C5orf63: variants seen among roughly 807,000 people sequenced by gnomAD.
The protein encoded by C5orf63 is chromosome 5 open reading frame 63.
Under a neutral mutation model 13.3 loss-of-function variants are expected in C5orf63, and 18 were observed. The observed-to-expected ratio is 1.36, with a 90% CI of 0.94 to 2.01. C5orf63 has a LOEUF of 2.01. Among genes scored for constraint, C5orf63 ranks in the 30% most tolerant of loss-of-function variants. The pLI is 0.00. For synonymous variants in C5orf63, 38 were observed against 44.7 expected, an observed-to-expected ratio of 0.85 and a Z score of 0.60; for missense variants, 118 against 127.7, an observed-to-expected ratio of 0.92 and a Z score of 0.36.
intron 2 of C5orf63, among the ~76,000 whole-genome samples, chr5:127,059,322 G>T (rs1754009149): frequency 6.6e-6 from 1 of 152,104 alleles, no homozygotes; most frequent in African/African-American, 2.4e-5. Context: ...GATTTTGCCG[G>T]CATCTTGATG....
chr5:127,054,005 T>G (rs930527314), intron 3 of C5orf63, among the ~76,000 whole-genome samples: 1 of 152,170 alleles, frequency 6.6e-6, no homozygotes, highest in African/African-American at 2.4e-5. Flanking sequence ...GTTTGTAATG[T>G]TTTAAGATAA....
At chr5:127,063,188 G>C (rs73783524) in intron 2 of C5orf63, among the ~76,000 whole-genome samples, 2,539 of 152,212 alleles carry the variant, frequency 0.017, 61 homozygotes, top group African/African-American at 0.058. Flanking sequence ...TGATTTCAGT[G>C]GTCTTTATGG....
At chr5:127,058,724 A>G in intron 3 of C5orf63, 158 bp downstream of exon 3, 2 of 591,578 alleles carry the variant, frequency 3.4e-6, no homozygotes, top group South Asian at 2.2e-5. Flanking sequence ...ATAATAAGGT[A>G]TCTGGGTAGA....
chr5:127,053,182 T>C (rs979490852), intron 3 of C5orf63, among the ~76,000 whole-genome samples: 11 of 152,108 alleles, frequency 7.2e-5, no homozygotes, highest in Non-Finnish European at 1.6e-4. Flanking sequence ...AAAACAAATC[T>C]CTATTCACTT....
chr5:127,052,601 G>A lies in C5orf63; in HGVS notation c.171+12C>T. ...AATCCATATACATAAAAGCCACACT[G>A]TATTATATTACCCTGTTTTCATAAG... On this transcript the variant is annotated intron_variant, in intron 4 of 4. Coordinates refer to ENST00000296662, the MANE Select transcript of C5orf63 (RefSeq NM_001164478.2). 6.8e-7 allele frequency: 1 copy of A among 1,479,918 alleles called. No individual in the cohort carries two copies. Among genetic ancestry groups the A allele is most frequent in the African/African-American group, 1.4e-5 (1 of 70,302 alleles). 91.7% of individuals were successfully genotyped at this position (1,479,918 alleles called of 1,614,324 possible).
intron 3 of C5orf63, chr5:127,056,611 CACA>C (rs1268334612): frequency 6.6e-6 from 1 of 152,160 alleles, no homozygotes; most frequent in Non-Finnish European, 1.5e-5. Context: ...AGGTGTCTCC[CACA>C]ACATGTGGGA....
chr5:127,051,136 A>C (rs1266281843), downstream of C5orf63, among the ~76,000 whole-genome samples: 2 of 152,254 alleles, frequency 1.3e-5, no homozygotes, highest in Admixed American at 1.3e-4. Context: ...ATGACTGTGT[A>C]GAGAATGTTG....
chr5:127,071,143 A>C (rs74485947), intron 2 of C5orf63, among the ~76,000 whole-genome samples: 1 of 152,228 alleles, frequency 6.6e-6, no homozygotes, highest in Non-Finnish European at 1.5e-5. Context: ...AAAGTGATTA[A>C]GATATTGTCA....
intron 3 of C5orf63, among the ~76,000 whole-genome samples, chr5:127,055,256 C>T (rs146457819): frequency 0.019 from 2,923 of 152,208 alleles, 75 homozygotes; most frequent in African/African-American, 0.06. Flanking sequence ...GAAAAAACTA[C>T]GTTAAAGTTC....
In C5orf63 at chr5:127,052,599, C is replaced by T; in HGVS notation, c.171+14G>A. On this transcript the variant is annotated intron_variant, in intron 4 of 4. Transcript: ENST00000296662. The stretch of plus-strand genomic sequence containing the variant: ...GCAATCCATATACATAAAAGCCACA[C>T]TGTATTATATTACCCTGTTTTCATA... The T allele has an allele frequency of 1.4e-6, 2 of 1,448,468 alleles. No individual in the cohort carries two copies. The highest frequency in any genetic ancestry group is 1.8e-6 in the Non-Finnish European group (2 of 1,108,414). The allele number at this position is 1,448,468 out of a possible 1,614,324, so 89.7% of individuals were successfully genotyped here. A position where few individuals can be genotyped will look rare whatever the true frequency, so the allele number is the denominator to read the frequency against.
chr5:127,047,464 G>A, downstream of C5orf63: 1 of 490,198 alleles, frequency 2.0e-6, no homozygotes, highest in South Asian at 3.0e-5. Context: ...CAGCTGTTGG[G>A]ACCCATGGGT....
chr5:127,049,264 A>G (rs1213109392), downstream of C5orf63, among the ~76,000 whole-genome samples: 4 of 152,096 alleles, frequency 2.6e-5, no homozygotes, highest in Non-Finnish European at 5.9e-5. Context: ...ATGGATCCCA[A>G]TCTACCTTGC....
intron 3 of C5orf63, among the ~76,000 whole-genome samples, chr5:127,057,321 T>A (rs1224105642): frequency 6.6e-6 from 1 of 152,234 alleles, no homozygotes; most frequent in Non-Finnish European, 1.5e-5. Context: ...CAAAAACCTA[T>A]TGAAAAGAGA....
At chr5:127,063,108 C>A (rs1017254065) in intron 2 of C5orf63, among the ~76,000 whole-genome samples, 6 of 152,070 alleles carry the variant, frequency 3.9e-5, no homozygotes, top group African/African-American at 1.4e-4. Context: ...GTTTCAAGTC[C>A]AGTGCCCCTC....
chr5:127,064,011 C>A (rs1242916892), intron 2 of C5orf63, among the ~76,000 whole-genome samples: 2 of 152,112 alleles, frequency 1.3e-5, no homozygotes, highest in African/African-American at 2.4e-5. Flanking sequence ...CTCTACCAAT[C>A]CAGCGAAACA....
downstream of C5orf63, chr5:127,047,796 G>A: frequency 1.4e-6 from 1 of 703,934 alleles, no homozygotes; most frequent in Non-Finnish European, 2.6e-6. Flanking sequence ...CAAAACTTAA[G>A]ACTTGGTTTA....
chr5:127,057,940 C>A (rs745439043), intron 3 of C5orf63, among the ~76,000 whole-genome samples: 1 of 152,048 alleles, frequency 6.6e-6, no homozygotes, highest in Non-Finnish European at 1.5e-5. Context: ...TACATGTGTT[C>A]GATAAGCTTC....
At chr5:127,044,886 C>G (rs12659633), downstream of C5orf63, 10,046 of 151,330 alleles carry the variant, frequency 0.066, 668 homozygotes, top group African/African-American at 0.17. Context: ...TGAGAGCTGG[C>G]ATTACAGGCA....
rs113791040 is a variant in C5orf63 at position 127,073,196 on chromosome 5, TAA to T, written c.-110+253_-110+254del. The T allele has an allele frequency of 3.9e-3, 546 of 138,754 alleles. 3 individuals carry two copies. The highest frequency in any genetic ancestry group is 0.014 in the African/African-American group (514 of 35,594). The allele number at this position is 138,754 out of a possible 1,614,324, so 8.6% of individuals were successfully genotyped here. ...TCTCGAGATGTTTTCTGCTTTCTCTTAAAAAAAAAAAAAGCTTCCTTTTCCCG... is the reference window on the plus strand; with the variant it reads ...TCTCGAGATGTTTTCTGCTTTCTCTTAAAAAAAAAAAGCTTCCTTTTCCCG... On this transcript the variant is annotated intron_variant, in intron 1 of 4. Transcript: ENST00000296662.
Sources: allele counts gnomAD v4.1 joint callset (sites outside exome capture counted in the v4.1 genomes callset), GRCh38; gene constraint gnomAD v4.1.1; transcripts MANE v1.5; gene names NCBI Gene and HGNC (gene_info 2026-07-23, HGNC 2026-07-21).